TMIE: variants seen among roughly 807,000 people sequenced by gnomAD.
TMIE encodes transmembrane inner ear expressed protein.
A neutral mutation model predicts 16.8 loss-of-function variants in TMIE; 14 were observed. That is an observed-to-expected ratio of 0.83 (90% CI 0.55 to 1.30). The LOEUF (loss-of-function observed/expected upper bound fraction) is 1.30, where lower values mean the gene tolerates loss of function less well. TMIE is among the 50% of genes most tolerant of loss of function. The pLI is 0.00. For missense variants in TMIE, 204 were observed against 205.9 expected (o/e 0.99, Z 0.06); for synonymous variants, 75 against 87.2 (o/e 0.86, Z 0.78).
intron 1 of TMIE, among the ~76,000 whole-genome samples, chr3:46,704,991 G>A (rs1700532916): frequency 6.6e-6 from 1 of 152,148 alleles, no homozygotes; most frequent in Admixed American, 6.5e-5. Context: ...CAGACCTGGG[G>A]CTGGGCCATG....
At chr3:46,707,441 C>T (rs532797797) in intron 2 of TMIE, among the ~76,000 whole-genome samples, 1 of 152,312 alleles carries the variant, frequency 6.6e-6, no homozygotes, top group African/African-American at 2.4e-5. Flanking sequence ...CTTCCATTGC[C>T]GGATCTAGGC....
At chr3:46,704,118 T>C (rs908798166) in intron 1 of TMIE, among the ~76,000 whole-genome samples, 3 of 150,608 alleles carry the variant, frequency 2.0e-5, no homozygotes, top group Admixed American at 6.6e-5. Flanking sequence ...ACACCCAGGG[T>C]AGAGCTGTGT....
At chr3:46,708,890 A>G (rs1218522624) in intron 2 of TMIE, among the ~76,000 whole-genome samples, 3 of 152,222 alleles carry the variant, frequency 2.0e-5, no homozygotes, top group African/African-American at 7.2e-5. Flanking sequence ...TAATTTAGCC[A>G]GGGTCCCTTC....
chr3:46,700,705 G>A (rs911948253), upstream of TMIE, among the ~76,000 whole-genome samples: 1 of 152,142 alleles, frequency 6.6e-6, no homozygotes, highest in African/African-American at 2.4e-5. Context: ...AGTGCAGTGT[G>A]GGTCAACTTC....
At chr3:46,709,448 C>G in intron 3 of TMIE, 131 bp from the exon 4 acceptor site, 4 of 1,605,292 alleles carry the variant, frequency 2.5e-6, no homozygotes, top group Middle Eastern at 1.8e-4. Context: ...GAACGATGAG[C>G]CTATTCTCCA....
upstream of TMIE, among the ~76,000 whole-genome samples, chr3:46,697,533 G>T (rs1478270009): frequency 6.6e-6 from 1 of 152,184 alleles, no homozygotes; most frequent in Non-Finnish European, 1.5e-5. Context: ...CATCTCTTCA[G>T]CTGTATCCTT....
chr3:46,705,898 T>A lies in TMIE; in HGVS notation c.202T>A (p.Leu68Met). ...GGTGGGCATCTTTTCGCTCTTCGTG[T>A]TGTCCATCAGTGAGTAGCTGTTCCC... ...HVVGIFSLFV[L>M]SIIITLCCVF... is the part of the protein sequence containing the mutation. The change falls in exon 2 of 4, where the codon TTG (leucine) becomes ATG (methionine). Residue 68 changes from leucine to methionine, a missense_variant. Transcript: ENST00000643606. The A allele has an allele frequency of 1.2e-6, 2 of 1,614,034 alleles. No individual in the cohort carries two copies. Among genetic ancestry groups the A allele is most frequent in the Non-Finnish European group, 8.5e-7 (1 of 1,179,948 alleles).
At chr3:46,702,442 G>T (rs769831259) in intron 1 of TMIE, among the ~76,000 whole-genome samples, 9 of 152,144 alleles carry the variant, frequency 5.9e-5, no homozygotes, top group Non-Finnish European at 1.2e-4. Context: ...CCCCACTCCT[G>T]CGGAGCCTGA....
chr3:46,701,627 C>A lies in TMIE; in HGVS notation c.93+47C>A, dbSNP rs1449201363. The A allele has an allele frequency of 2.4e-6, 3 of 1,252,236 alleles. No individual in the cohort carries two copies. Among genetic ancestry groups the A allele is most frequent in the Admixed American group, 4.2e-5 (1 of 23,762 alleles). The allele number at this position is 1,252,236 out of a possible 1,614,324, so 77.6% of individuals were successfully genotyped here. The stretch of plus-strand genomic sequence containing the variant: ...ACTGGGGAGGCTGTCACCCTCCAGG[C>A]AGGGGGCTGGGGGAGAGGGGACGCC... On this transcript the variant is annotated intron_variant, in intron 1 of 3. Transcript: ENST00000643606. This position sits in a 1 kb window ranked among gnomAD's most constrained non-coding sequence, Gnocchi z 4.3.
intron 2 of TMIE, among the ~76,000 whole-genome samples, chr3:46,708,764 G>A (rs1700583087): frequency 6.6e-6 from 1 of 152,188 alleles, no homozygotes; most frequent in Non-Finnish European, 1.5e-5. Flanking sequence ...GCCTGGGTTG[G>A]AAGTGCTGGA....
intron 2 of TMIE, 137 bp downstream of exon 2, chr3:46,706,044 G>A: frequency 1.1e-6 from 1 of 896,442 alleles, no homozygotes; most frequent in African/African-American, 1.6e-5. Flanking sequence ...GGTGGTTTCT[G>A]GCACCTCCTG....
At chr3:46,702,489 A>G (rs1413022752) in intron 1 of TMIE, among the ~76,000 whole-genome samples, 1 of 152,106 alleles carries the variant, frequency 6.6e-6, no homozygotes. Flanking sequence ...GACCAGACCT[A>G]GAGTTCTGAA....
intron 1 of TMIE, among the ~76,000 whole-genome samples, chr3:46,704,246 C>T (rs1700515159): frequency 6.8e-6 from 1 of 148,022 alleles, no homozygotes; most frequent in Admixed American, 6.7e-5. Context: ...TCCCTAGACA[C>T]CCAGGGTGGA....
upstream of TMIE, chr3:46,693,791 T>C (rs1700322066): frequency 6.6e-6 from 1 of 151,270 alleles, no homozygotes; most frequent in Non-Finnish European, 1.5e-5. Flanking sequence ...GCTCTGGAGT[T>C]GCGGGGGCCA....
upstream of TMIE, among the ~76,000 whole-genome samples, chr3:46,699,103 C>G (rs1422342940): frequency 9.0e-6 from 1 of 111,506 alleles, no homozygotes; most frequent in Non-Finnish European, 1.7e-5. Flanking sequence ...GAGTTTCGCT[C>G]TTGTTGCTGC....
chr3:46,696,375 C>T (rs1302344642), intron 1 of TMIE, among the ~76,000 whole-genome samples: 1 of 152,196 alleles, frequency 6.6e-6, no homozygotes, highest in African/African-American at 2.4e-5. Context: ...ACATGCACTC[C>T]CATGTGCACC....
intron 1 of TMIE, among the ~76,000 whole-genome samples, chr3:46,704,173 G>A (rs1460151574): frequency 6.8e-6 from 1 of 147,834 alleles, no homozygotes; most frequent in Non-Finnish European, 1.5e-5. Context: ...GACACCCAGG[G>A]TGGACCATGT....
rs763690714 is a variant in TMIE at position 46,701,492 on chromosome 3, C to T, written c.5C>T (p.Ala2Val). 8.2e-5 allele frequency: 110 copies of T among 1,346,336 alleles called. No individual in the cohort carries two copies. Among genetic ancestry groups the T allele is most frequent in the Non-Finnish European group, 9.8e-5 (103 of 1,052,600 alleles). The allele number at this position is 1,346,336 out of a possible 1,614,324, so 83.4% of individuals were successfully genotyped here. Residue 2 changes from alanine (A) to valine (V), a missense_variant, in exon 1 of 4, where the codon GCG becomes GTG. Ala to Val is a moderately conservative substitution (Grantham distance 64). Coordinates refer to ENST00000643606, the MANE Select transcript of TMIE (RefSeq NM_147196.3). This position sits in a 1 kb window ranked among gnomAD's most constrained non-coding sequence, Gnocchi z 4.3. M[A>V]GWPGAGPLCV... ...AAGCGGCGCGGTGGCACGAAGATGG[C>T]GGGGTGGCCGGGCGCGGGTCCCCTC...
chr3:46,699,057 C>CTTTTTTTTTTTTTTTTTTTTTTTTTTTT (rs1246748003), upstream of TMIE, among the ~76,000 whole-genome samples: 2 of 65,292 alleles, frequency 3.1e-5, no homozygotes, highest in African/African-American at 1.1e-4. Context: ...AATGGTGTTT[C>CTTTTTTTTTTTTTTTTTTTTTTTTTTTT]TTATTTTTTT....
Sources: gnomAD v4.1 joint callset for allele counts (sites outside exome capture counted in the v4.1 genomes callset) on GRCh38, gnomAD v4.1.1 for gene constraint, Gnocchi (gnomAD v3.1) non-coding constraint, MANE v1.5 for transcripts, NCBI Gene and HGNC (gene_info 2026-07-23, HGNC 2026-07-21) for gene names.